ANO4: variants seen among roughly 807,000 people sequenced by gnomAD.
ANO4 encodes the protein anoctamin-4.
Under a neutral mutation model 141.9 loss-of-function variants are expected in ANO4, and 69 were observed. The observed-to-expected ratio is 0.49, with a 90% CI of 0.40 to 0.59. The LOEUF (loss-of-function observed/expected upper bound fraction) is 0.59. Among genes scored for constraint, ANO4 ranks in the 20% least tolerant of loss-of-function variants. ANO4 has a pLI of 0.00. For missense variants in ANO4, 894 were observed against 1,162.2 expected, an observed-to-expected ratio of 0.77 and a Z score of 3.36; for synonymous variants, 350 against 394.3, an observed-to-expected ratio of 0.89 and a Z score of 1.33.
At chr12:100,838,058 G>A (rs901465673) in intron 1 of ANO4, among the ~76,000 whole-genome samples, 18 of 151,968 alleles carry the variant, frequency 1.2e-4, no homozygotes, top group African/African-American at 4.1e-4. Context: ...GGGGCATAGT[G>A]GACTTGCTGA....
intron 1 of ANO4, among the ~76,000 whole-genome samples, chr12:100,891,607 A>G (rs573235165): frequency 3.4e-3 from 513 of 152,092 alleles, no homozygotes; most frequent in Non-Finnish European, 5.6e-3. Context: ...TTTTATTTTA[A>G]TATTTTATTT....
At chr12:100,721,904 G>A (rs1424707011) in intron 1 of ANO4, among the ~76,000 whole-genome samples, 1 of 150,206 alleles carries the variant, frequency 6.7e-6, no homozygotes, top group Non-Finnish European at 1.5e-5. Context: ...TGTTTCCTAG[G>A]CTGGTCTTTC....
chr12:101,049,832 C>T (rs990600343), intron 14 of ANO4, among the ~76,000 whole-genome samples: 3 of 152,130 alleles, frequency 2.0e-5, no homozygotes, highest in Non-Finnish European at 4.4e-5. Context: ...CAGTCCCTCT[C>T]AGCCAGTAAG....
At chr12:100,816,497 A>G (rs543844729) in intron 1 of ANO4, among the ~76,000 whole-genome samples, 116 of 152,142 alleles carry the variant, frequency 7.6e-4, no homozygotes, top group African/African-American at 2.3e-3. Context: ...GAGTGGATAT[A>G]GATGCCTCAT....
chr12:100,825,426 T>A (rs2036278031), intron 1 of ANO4, among the ~76,000 whole-genome samples: 1 of 152,024 alleles, frequency 6.6e-6, no homozygotes, highest in Non-Finnish European at 1.5e-5. Flanking sequence ...CTAAGAAACA[T>A]TACGTGATGC....
At chr12:100,913,445 A>G (rs1016814352) in intron 2 of ANO4, among the ~76,000 whole-genome samples, 2 of 152,238 alleles carry the variant, frequency 1.3e-5, no homozygotes, top group African/African-American at 2.4e-5. Flanking sequence ...TTCAGTTACA[A>G]TAAGAATTCT....
At chr12:101,020,906 A>G (rs546286926) in intron 9 of ANO4, among the ~76,000 whole-genome samples, 146 of 152,290 alleles carry the variant, frequency 9.6e-4, no homozygotes, top group African/African-American at 3.4e-3. Flanking sequence ...AATGACCTAT[A>G]TCAGTCAGGG....
In ANO4 at chr12:100,968,401, T is replaced by C. The variant is rs185924072; in HGVS notation, c.457-2905T>C. Reference sequence around the variant, plus strand: ...AGACCTAACACTTACAGTAAATCTATGGAGAGAGTATACTCTAAGCGCTAT... The same window carrying C: ...AGACCTAACACTTACAGTAAATCTACGGAGAGAGTATACTCTAAGCGCTAT... On this transcript the variant is annotated intron_variant, in intron 5 of 27. Coordinates refer to ENST00000392977, the MANE Select transcript of ANO4 (RefSeq NM_001286615.2). Among the ~76,000 whole-genome samples the C allele has an allele frequency of 1.6e-4, 24 of 152,324 alleles. No homozygotes were observed. The East Asian group carries it at 4.4e-3, about 28-fold the overall frequency.
At chr12:101,096,247 T>C (rs1398395395) in intron 18 of ANO4, among the ~76,000 whole-genome samples, 2 of 152,230 alleles carry the variant, frequency 1.3e-5, no homozygotes, top group Non-Finnish European at 2.9e-5. Context: ...TGGCTGTCTA[T>C]GCTGCTGGCT....
intron 3 of ANO4, among the ~76,000 whole-genome samples, chr12:100,772,357 G>GTTTCCCTACCTCT (rs1224401890): frequency 1.3e-5 from 2 of 152,144 alleles, no homozygotes; most frequent in African/African-American, 4.8e-5. Context: ...ATAGGCCCTT[G>GTTTCCCTACCTCT]TTTCCCTACC....
In ANO4 at chr12:101,126,959, A is replaced by T; in HGVS notation, c.2757A>T (p.Arg919Ser). 1.9e-6 allele frequency: 3 copies of T among 1,614,198 alleles called. No individual in the cohort carries two copies. Among genetic ancestry groups the T allele is most frequent in the Non-Finnish European group, 2.5e-6 (3 of 1,180,020 alleles). The change falls in exon 27 of 28, where the codon AGA becomes AGT. Residue 919 changes from arginine to serine, a missense_variant. Coordinates refer to ENST00000392977, the MANE Select transcript of ANO4 (RefSeq NM_001286615.2). ...AAGACCTAAGGGATCGAATGAGAAG[A>T]GAGAAGTACTTGATTCAGGAGATGA... ...LPKDLRDRMRREKYLIQEMMY... is the reference protein window; with the variant it reads ...LPKDLRDRMRSEKYLIQEMMY...
At chr12:100,721,748 G>C (rs900465163) in intron 1 of ANO4, among the ~76,000 whole-genome samples, 3 of 152,048 alleles carry the variant, frequency 2.0e-5, no homozygotes, top group African/African-American at 7.2e-5. Flanking sequence ...GCATGATCCT[G>C]GCTCATTGCA....
At chr12:101,036,702 A>G (rs1278423994) in intron 9 of ANO4, among the ~76,000 whole-genome samples, 1 of 152,196 alleles carries the variant, frequency 6.6e-6, no homozygotes, top group South Asian at 2.1e-4. Flanking sequence ...GATGGGGAAC[A>G]TGGGGAGGTG....
Position 100,820,368 on chromosome 12 carries a change from A to AAAAC in ANO4, c.-141+25344_-141+25345insCAAA, listed in dbSNP as rs1345905735. On this transcript the variant is annotated intron_variant, in intron 1 of 27. Transcript: ENST00000392977. ...AAGTCGGTTTCTCAAAAAAAAAAAA[A>AAAAC]AAATGCCCTTCTTTCCCTACCTGAT... Among the ~76,000 whole-genome samples the AAAAC allele has an allele frequency of 4.7e-3, 709 of 151,434 alleles. 6 individuals carry two copies. The highest frequency in any genetic ancestry group is 0.016 in the African/African-American group (675 of 41,166).
intron 3 of ANO4, among the ~76,000 whole-genome samples, chr12:100,758,862 T>A (rs2032731914): frequency 1.3e-5 from 2 of 152,128 alleles, no homozygotes; most frequent in African/African-American, 4.8e-5. Context: ...TGTGACAACA[T>A]TACTCAAGTT....
chr12:100,939,544 A>C, intron 4 of ANO4, 93 bp downstream of exon 4: 3,149 of 1,322,148 alleles, frequency 2.4e-3, no homozygotes, highest in Non-Finnish European at 2.9e-3. Flanking sequence ...TCATAATCTC[A>C]TTGAACTGTA....
intron 14 of ANO4, among the ~76,000 whole-genome samples, chr12:101,072,166 T>A (rs2048840628): frequency 6.6e-6 from 1 of 152,186 alleles, no homozygotes; most frequent in South Asian, 2.1e-4. Context: ...TTCATATGGG[T>A]GGATGAGTTC....
At chr12:101,001,484 G>A (rs762115623) in intron 8 of ANO4, among the ~76,000 whole-genome samples, 4 of 152,130 alleles carry the variant, frequency 2.6e-5, no homozygotes, top group South Asian at 2.1e-4. Flanking sequence ...AGAAGGAGGC[G>A]CAGAAACTCA....
At chr12:100,721,425 T>C (rs773438795) in intron 1 of ANO4, among the ~76,000 whole-genome samples, 12 of 151,742 alleles carry the variant, frequency 7.9e-5, no homozygotes, top group Non-Finnish European at 1.6e-4. Context: ...GAGGAGGAGA[T>C]TGGGAGAAGG....
Sources: gnomAD v4.1 joint callset for allele counts (sites outside exome capture counted in the v4.1 genomes callset) on GRCh38, gnomAD v4.1.1 for gene constraint, MANE v1.5 for transcripts, NCBI Gene and HGNC (gene_info 2026-07-23, HGNC 2026-07-21) for gene names.